Variants in TCF7L2 observed in about 807,000 individuals in gnomAD.
The protein encoded by TCF7L2 is transcription factor 7-like 2.
A neutral mutation model predicts 77.9 loss-of-function variants in TCF7L2; 23 were observed. The ratio of observed to expected loss-of-function variants is 0.30; its 90% CI spans 0.21 to 0.42. TCF7L2 has a LOEUF of 0.42. Among genes scored for constraint, TCF7L2 ranks in the 10% least tolerant of loss-of-function variants. The pLI is 1.00. For missense variants in TCF7L2, 654 were observed against 793.1 expected (o/e 0.82, Z 2.11); for synonymous variants, 413 against 340.2 (o/e 1.21, Z -2.36).
intron 4 of TCF7L2, among the ~76,000 whole-genome samples, chr10:112,998,232 T>TTTAGCCCAGGTTCTGTTTCTTGC (rs2043858970): frequency 1.3e-5 from 2 of 152,060 alleles, no homozygotes; most frequent in Non-Finnish European, 2.9e-5. Flanking sequence ...AGCCACCGAG[T>TTTAGCCCAGGTTCTGTTTCTTGC]TTAGCCCAGG....
intron 4 of TCF7L2, among the ~76,000 whole-genome samples, chr10:112,996,391 A>G (rs574633403): frequency 3.9e-5 from 6 of 152,340 alleles, no homozygotes; most frequent in South Asian, 4.1e-4. Flanking sequence ...AAAAGGGGCC[A>G]TGTTGTGGTC....
At chr10:113,083,838 G>A (rs763210559) in intron 5 of TCF7L2, among the ~76,000 whole-genome samples, 2 of 152,158 alleles carry the variant, frequency 1.3e-5, no homozygotes, top group Non-Finnish European at 2.9e-5. Context: ...TTCCAAAGAT[G>A]TGGCATTTCC....
At chr10:113,032,330 G>T (rs1010473602) in intron 4 of TCF7L2, among the ~76,000 whole-genome samples, 2 of 152,170 alleles carry the variant, frequency 1.3e-5, no homozygotes, top group African/African-American at 4.8e-5. Flanking sequence ...AGGATTGGCG[G>T]GTTAAAGAAA....
chr10:112,983,945 A>C (rs546091276), intron 4 of TCF7L2, among the ~76,000 whole-genome samples: 1 of 152,288 alleles, frequency 6.6e-6, no homozygotes, highest in South Asian at 2.1e-4. Flanking sequence ...GTCCAGAATG[A>C]TTTATTCTCA....
chr10:113,027,520 AGTCT>A (rs1279592169), intron 4 of TCF7L2, among the ~76,000 whole-genome samples: 1 of 152,126 alleles, frequency 6.6e-6, no homozygotes, highest in South Asian at 2.1e-4. Flanking sequence ...TATTCTAGTC[AGTCT>A]ATGTATACAA....
chr10:112,959,906 A>G (rs994606716), intron 3 of TCF7L2, among the ~76,000 whole-genome samples: 1 of 152,192 alleles, frequency 6.6e-6, no homozygotes, highest in Non-Finnish European at 1.5e-5. Context: ...ATTAGATTTC[A>G]AGTGGCTCAT....
chr10:112,964,735 G>A (rs1038401043), intron 4 of TCF7L2, 111 bp downstream of exon 4: 2 of 909,164 alleles, frequency 2.2e-6, no homozygotes, highest in East Asian at 6.4e-5. Context: ...TGATGATGAT[G>A]ATGATGGTGG....
chr10:112,952,706 C>T (rs1212693682), intron 3 of TCF7L2, among the ~76,000 whole-genome samples: 1 of 152,000 alleles, frequency 6.6e-6, no homozygotes, highest in Non-Finnish European at 1.5e-5. Flanking sequence ...CCGCCGATCG[C>T]CGGCCACCCA....
At chr10:113,136,376 C>T (rs2067397172) in intron 5 of TCF7L2, among the ~76,000 whole-genome samples, 1 of 152,122 alleles carries the variant, frequency 6.6e-6, no homozygotes, top group African/African-American at 2.4e-5. Flanking sequence ...GGTGTGACTT[C>T]GGCAGCTGTG....
chr10:112,984,960 G>A (rs2041210069), intron 4 of TCF7L2, among the ~76,000 whole-genome samples: 1 of 152,106 alleles, frequency 6.6e-6, no homozygotes, highest in South Asian at 2.1e-4. Context: ...GACGTAGCTG[G>A]GGACTCAAGT....
intron 4 of TCF7L2, among the ~76,000 whole-genome samples, chr10:113,005,706 C>CT (rs1475457529): frequency 1.3e-5 from 2 of 151,884 alleles, no homozygotes; most frequent in South Asian, 2.1e-4. Context: ...AAGGGGTTGG[C>CT]TGGGGGGGAG....
In TCF7L2 at chr10:113,115,848, C is replaced by T. The variant is rs569082860; in HGVS notation, c.553-25336C>T. On this transcript the variant is annotated intron_variant, in intron 5 of 13. Transcript: ENST00000627217. ...ATGTGTGTGCGTGTGTCTCTGCTTG[C>T]CTCCTCTAATTCCTTAGCACCCTTC... Among the ~76,000 whole-genome samples the T allele has an allele frequency of 4.3e-4, 65 of 152,162 alleles. 1 individual carries two copies. In the South Asian group the frequency reaches 0.013, roughly 31 times the overall value.
intron 4 of TCF7L2, among the ~76,000 whole-genome samples, chr10:113,017,713 T>A (rs2047587034): frequency 6.6e-6 from 1 of 152,164 alleles, no homozygotes; most frequent in Non-Finnish European, 1.5e-5. Context: ...TCTGAAGCCA[T>A]GTCATTATTG....
At chr10:113,118,643 GTTTTTTTTTTGTTTTTTTTTGTTTTT>G (rs1761295666) in intron 5 of TCF7L2, among the ~76,000 whole-genome samples, 1 of 87,442 alleles carries the variant, frequency 1.1e-5, no homozygotes, top group African/African-American at 5.0e-5. Context: ...TGTTGGGGAA[GTTTTTTTTTTGTTTTTTTTTGTTTTT>G]TTTTTTTTGT....
At chr10:112,971,930 T>C (rs1353430645) in intron 4 of TCF7L2, among the ~76,000 whole-genome samples, 7 of 68,818 alleles carry the variant, frequency 1.0e-4, no homozygotes. Context: ...TTTTCTTTCC[T>C]TTTTTTTTGA....
rs572159979 is a variant in TCF7L2 at position 113,019,896 on chromosome 10, C to T, written c.451-20129C>T. Among the ~76,000 whole-genome samples the T allele has an allele frequency of 5.9e-5, 9 of 151,990 alleles. No homozygotes were observed. The South Asian group carries it at 1.2e-3, about 21-fold the overall frequency. On this transcript the variant is annotated intron_variant, in intron 4 of 13. Transcript: ENST00000627217. ...GTTTGACAGTTTAAGTGCAGTGATA[C>T]GGATGGAGGCAGGTTTACGTTATGT... is the stretch of plus-strand genomic sequence containing the variant.
At chr10:113,140,315 G>T (rs1371551563) in intron 5 of TCF7L2, among the ~76,000 whole-genome samples, 1 of 152,056 alleles carries the variant, frequency 6.6e-6, no homozygotes, top group Non-Finnish European at 1.5e-5. Flanking sequence ...ATGGCAACTA[G>T]AAACATTTTT....
At chr10:113,058,271 A>G (rs1383968120) in intron 5 of TCF7L2, among the ~76,000 whole-genome samples, 1 of 152,014 alleles carries the variant, frequency 6.6e-6, no homozygotes, top group African/African-American at 2.4e-5. Context: ...CATTTATTTC[A>G]GTGTCTGATG....
chr10:113,017,469 T>C (rs2047540379), intron 4 of TCF7L2, among the ~76,000 whole-genome samples: 1 of 152,248 alleles, frequency 6.6e-6, no homozygotes, highest in African/African-American at 2.4e-5. Flanking sequence ...TTGCAAACTT[T>C]ACTGCAGTGA....
Sources: allele counts gnomAD v4.1 joint callset (sites outside exome capture counted in the v4.1 genomes callset), GRCh38; gene constraint gnomAD v4.1.1; transcripts MANE v1.5; gene names NCBI Gene and HGNC (gene_info 2026-07-23, HGNC 2026-07-21).